The following ZDHHC15 variants were observed in gnomAD, a reference collection of about 807,000 sequenced individuals.
ZDHHC15 encodes zDHHC palmitoyltransferase 15.
ZDHHC15 carries 19 observed loss-of-function variants against 31.7 expected under a neutral mutation model. The observed-to-expected ratio is 0.60, with a 90% CI of 0.42 to 0.88. The LOEUF is 0.88. Among genes scored for constraint, ZDHHC15 ranks in the 40% least tolerant of loss-of-function variants. ZDHHC15 has a pLI of 0.00. For synonymous variants in ZDHHC15, 103 were observed against 90.0 expected, an observed-to-expected ratio of 1.14 and a Z score of -0.82; for missense variants, 209 against 251.2, an observed-to-expected ratio of 0.83 and a Z score of 1.14.
chrX:75,444,687 T>TATATACACACGC (rs2084007375), intron 4 of ZDHHC15, among the ~76,000 whole-genome samples: 5 of 29,503 alleles, frequency 1.7e-4, no homozygotes, highest in African/African-American at 6.2e-4. Flanking sequence ...TATATATATA[T>TATATACACACGC]ACACACACAC....
chrX:75,470,762 T>C (rs1324897270), intron 3 of ZDHHC15, among the ~76,000 whole-genome samples: 1 of 111,788 alleles, frequency 8.9e-6, no homozygotes, highest in Non-Finnish European at 1.9e-5. Context: ...AATGCATAAT[T>C]GGCATAGACA....
chrX:75,492,669 T>A (rs1281111106), intron 2 of ZDHHC15, among the ~76,000 whole-genome samples: 2 of 111,565 alleles, frequency 1.8e-5, no homozygotes, highest in Non-Finnish European at 3.8e-5. Flanking sequence ...AACAACCTGC[T>A]CCTGAATGAC....
chrX:75,371,447 T>A lies in ZDHHC15; in HGVS notation c.*1531A>T, dbSNP rs1366960502. 1 of 111,921 alleles carries A rather than the reference T, an allele frequency of 8.9e-6. No individual in the cohort carries two copies. The highest frequency in any genetic ancestry group is 3.2e-5 in the African/African-American group (1 of 30,775). The allele number at this position is 111,921 out of a possible 1,213,427, so 9.2% of individuals were successfully genotyped here. The stretch of plus-strand genomic sequence containing the variant: ...ATCCATTTAATTTATGCCAAAAGTC[T>A]CACCTTGGTCAAAATTACCTAGGGA... On this transcript the variant is annotated 3_prime_UTR_variant, in exon 12 of 12. Coordinates refer to ENST00000373367, the MANE Select transcript of ZDHHC15 (RefSeq NM_144969.3).
At chrX:75,452,861 T>C (rs1484227956) in intron 3 of ZDHHC15, among the ~76,000 whole-genome samples, 1 of 111,807 alleles carries the variant, frequency 8.9e-6, no homozygotes, top group Non-Finnish European at 1.9e-5. Context: ...CATACTAGAA[T>C]CTCTGGGACA....
intron 7 of ZDHHC15, among the ~76,000 whole-genome samples, chrX:75,425,744 A>G (rs187538022): frequency 1.9e-3 from 215 of 112,018 alleles, no homozygotes; most frequent in African/African-American, 6.4e-3. Context: ...TTAACTTCTG[A>G]ATGATCTAGT....
chrX:75,419,151 A>G (rs751968313), intron 9 of ZDHHC15, among the ~76,000 whole-genome samples: 7 of 111,873 alleles, frequency 6.3e-5, no homozygotes, highest in South Asian at 3.8e-4. Flanking sequence ...CTACCATCAG[A>G]GTGAACAGAC....
At chrX:75,373,152 A>G (rs779690776) in intron 11 of ZDHHC15, among the ~76,000 whole-genome samples, 2 of 112,106 alleles carry the variant, frequency 1.8e-5, no homozygotes, top group South Asian at 7.4e-4. Flanking sequence ...CATTTGGAAT[A>G]AGAGACTGAG....
chrX:75,517,798 T>C (rs1378276015), intron 1 of ZDHHC15, among the ~76,000 whole-genome samples: 1 of 109,306 alleles, frequency 9.1e-6, no homozygotes, highest in Non-Finnish European at 1.9e-5. Flanking sequence ...AAAAATTAAC[T>C]CAGAATGGCT....
rs73221916 is a variant in ZDHHC15 at position 75,479,004 on chromosome X, C to T, written c.164-19G>A. ...TAAATAACTGAAATAAAAAAAAAAT[C>T]AGTGTTTATACTATCTTTTTATCCA... is the stretch of plus-strand genomic sequence containing the variant. On this transcript the variant is annotated intron_variant, in intron 2 of 11. Coordinates refer to ENST00000373367, the MANE Select transcript of ZDHHC15 (RefSeq NM_144969.3). 17,342 of 1,036,127 alleles carry T rather than the reference C, an allele frequency of 0.017. 142 individuals carry two copies. The highest frequency in any genetic ancestry group is 0.019 in the Non-Finnish European group (14,610 of 756,924). The allele number at this position is 1,036,127 out of a possible 1,213,427, so 85.4% of individuals were successfully genotyped here.
intron 2 of ZDHHC15, among the ~76,000 whole-genome samples, chrX:75,500,296 T>C (rs1300575220): frequency 9.1e-6 from 1 of 109,794 alleles, no homozygotes; most frequent in Non-Finnish European, 1.9e-5. Flanking sequence ...AATAAATGGT[T>C]AAATAAATCT....
chrX:75,444,356 A>T (rs185237414), intron 4 of ZDHHC15, among the ~76,000 whole-genome samples: 36 of 106,192 alleles, frequency 3.4e-4, no homozygotes, highest in Non-Finnish European at 3.9e-4. Flanking sequence ...TTCTCAGCAA[A>T]CTATCACAAG....
At chrX:75,420,256 CA>C (rs1302946020) in intron 9 of ZDHHC15, among the ~76,000 whole-genome samples, 1 of 111,198 alleles carries the variant, frequency 9.0e-6, no homozygotes, top group Non-Finnish European at 1.9e-5. Context: ...CACAATGAGA[CA>C]CCATCTCATG....
chrX:75,516,532 G>T (rs368580849), intron 1 of ZDHHC15, among the ~76,000 whole-genome samples: 3 of 112,166 alleles, frequency 2.7e-5, no homozygotes, highest in East Asian at 2.8e-4. Context: ...TGGCTAGCCA[G>T]ATGTAGAAAG....
At position 75,378,478 on chromosome X, in the gene ZDHHC15, G is replaced by T. The variant is rs899608028; in HGVS notation, c.*32+642C>A. On this transcript the variant is annotated intron_variant, in intron 11 of 11. Coordinates refer to ENST00000373367, the MANE Select transcript of ZDHHC15 (RefSeq NM_144969.3). ...GAATAATTGCTAGCTTTTTTCATGA[G>T]AATAGGATTAGAAGTTTCATCCGAT... is the stretch of plus-strand genomic sequence containing the variant. Among the ~76,000 whole-genome samples the T allele has an allele frequency of 3.6e-5, 4 of 112,034 alleles. No individual in the cohort carries two copies. In the East Asian group the frequency reaches 1.1e-3, roughly 31 times the overall value.
chrX:75,374,718 T>C (rs909935393), intron 11 of ZDHHC15, among the ~76,000 whole-genome samples: 3 of 96,812 alleles, frequency 3.1e-5, no homozygotes, highest in Non-Finnish European at 6.1e-5. Context: ...ATATATCCAG[T>C]GGAATACTAC....
chrX:75,417,033 C>G (rs761393127), intron 10 of ZDHHC15, 54 bp downstream of exon 10: 51 of 981,911 alleles, frequency 5.2e-5, no homozygotes, highest in Non-Finnish European at 6.9e-5. Context: ...TATTTACTCA[C>G]CACATTACAT....
At chrX:75,483,400 C>T (rs1026393405) in intron 2 of ZDHHC15, among the ~76,000 whole-genome samples, 1 of 109,330 alleles carries the variant, frequency 9.1e-6, no homozygotes, top group Non-Finnish European at 1.9e-5. Context: ...AAGTAAGACC[C>T]TATCACTACA....
intron 10 of ZDHHC15, among the ~76,000 whole-genome samples, chrX:75,381,364 T>C (rs769907676): frequency 8.9e-6 from 1 of 111,749 alleles, no homozygotes; most frequent in African/African-American, 3.2e-5. Flanking sequence ...GCCATCTCTA[T>C]ACAAATGACT....
At chrX:75,513,364 A>G (rs973153642) in intron 1 of ZDHHC15, among the ~76,000 whole-genome samples, 1 of 112,033 alleles carries the variant, frequency 8.9e-6, no homozygotes, top group Non-Finnish European at 1.9e-5. Flanking sequence ...ATCCCTCCTC[A>G]AAAGCAACTA....
Sources: allele counts gnomAD v4.1 joint callset (sites outside exome capture counted in the v4.1 genomes callset), GRCh38; gene constraint gnomAD v4.1.1; transcripts MANE v1.5; gene names NCBI Gene and HGNC (gene_info 2026-07-23, HGNC 2026-07-21).